The following CHL1 variants were observed in gnomAD, a reference collection of about 807,000 sequenced individuals.
The protein encoded by CHL1 is cell adhesion molecule L1 like.
CHL1 carries 96 observed loss-of-function variants against 141.9 expected under a neutral mutation model. The ratio of observed to expected loss-of-function variants is 0.68; its 90% CI spans 0.57 to 0.80. CHL1 has a LOEUF of 0.80. Among genes scored for constraint, CHL1 ranks in the 30% least tolerant of loss-of-function variants. The probability of loss-of-function intolerance (pLI) is 0.00; values close to 1 mark genes in which losing one functional copy is unlikely to be tolerated. For synonymous variants in CHL1, 613 were observed against 502.2 expected (o/e 1.22, Z -2.95); for missense variants, 1,820 against 1,457.2 (o/e 1.25, Z -4.05).
chr3:214,956 GCACA>G (rs5845952), intron 1 of CHL1, among the ~76,000 whole-genome samples: 13,495 of 150,202 alleles, frequency 0.09, 1,085 homozygotes, highest in African/African-American at 0.22. Flanking sequence ...ATGTGCACGT[GCACA>G]CACACACACA....
chr3:398,962 G>C, intron 25 of CHL1, 55 bp from the exon 26 acceptor site: 1 of 1,553,660 alleles, frequency 6.4e-7, no homozygotes. Flanking sequence ...CAATGTTACA[G>C]AATACAAAAG....
chr3:287,623 A>G (rs370251229), intron 2 of CHL1, among the ~76,000 whole-genome samples: 3 of 152,234 alleles, frequency 2.0e-5, no homozygotes, highest in South Asian at 4.1e-4. Flanking sequence ...TTTACAATAC[A>G]TAGAACTAAC....
chr3:369,700 CT>C (rs1705380624), intron 15 of CHL1, among the ~76,000 whole-genome samples: 1 of 152,178 alleles, frequency 6.6e-6, no homozygotes, highest in East Asian at 1.9e-4. Context: ...ATGCTTCCAG[CT>C]TTTGCCAATT....
intron 1 of CHL1, among the ~76,000 whole-genome samples, chr3:233,650 A>C (rs1393437520): frequency 6.6e-6 from 1 of 152,150 alleles, no homozygotes; most frequent in Non-Finnish European, 1.5e-5. Flanking sequence ...AGTATTTTTC[A>C]TAAGAGCAAA....
At chr3:238,354 T>TA (rs536672929) in intron 1 of CHL1, among the ~76,000 whole-genome samples, 2 of 151,838 alleles carry the variant, frequency 1.3e-5, no homozygotes, top group South Asian at 2.1e-4. Flanking sequence ...TCTAGCAATT[T>TA]AAAAAATCAC....
At chr3:226,451 A>T (rs9849813) in intron 1 of CHL1, among the ~76,000 whole-genome samples, 46,704 of 146,504 alleles carry the variant, frequency 0.32, 7,664 homozygotes, top group South Asian at 0.49. Flanking sequence ...TATTATTATT[A>T]TTTTTTCTGA....
intron 2 of CHL1, among the ~76,000 whole-genome samples, chr3:294,908 A>G (rs998186246): frequency 4.6e-5 from 7 of 152,208 alleles, no homozygotes; most frequent in Non-Finnish European, 8.8e-5. Context: ...TATTTATTGA[A>G]TGTTTACTAT....
At chr3:367,720 G>A (rs1223868087) in intron 15 of CHL1, among the ~76,000 whole-genome samples, 1 of 151,940 alleles carries the variant, frequency 6.6e-6, no homozygotes, top group African/African-American at 2.4e-5. Flanking sequence ...ATGCAGATTT[G>A]TTACATAGGT....
chr3:307,197 G>C (rs1278986078), intron 2 of CHL1, among the ~76,000 whole-genome samples: 3 of 152,124 alleles, frequency 2.0e-5, no homozygotes, highest in African/African-American at 4.8e-5. Flanking sequence ...TTATAACCTA[G>C]CTACCAGATG....
intron 9 of CHL1, 135 bp from the exon 10 acceptor site, chr3:349,224 G>T: frequency 1.4e-6 from 1 of 706,320 alleles, no homozygotes; most frequent in South Asian, 1.9e-5. Context: ...CTGTCCACTG[G>T]TAAGGATGAC....
intron 2 of CHL1, among the ~76,000 whole-genome samples, chr3:260,338 A>G (rs149086619): frequency 2.0e-3 from 312 of 152,308 alleles, no homozygotes; most frequent in African/African-American, 7.2e-3. Flanking sequence ...GGAAAACATA[A>G]GTCTGTATCA....
intron 2 of CHL1, among the ~76,000 whole-genome samples, chr3:317,167 A>T (rs191148747): frequency 3.7e-4 from 57 of 152,200 alleles, no homozygotes; most frequent in African/African-American, 1.3e-3. Context: ...GGTCATATGT[A>T]GAATTAGTCA....
intron 2 of CHL1, among the ~76,000 whole-genome samples, chr3:253,716 T>C (rs1051756577): frequency 6.6e-6 from 1 of 152,206 alleles, no homozygotes; most frequent in Non-Finnish European, 1.5e-5. Flanking sequence ...GTAAGCTCTA[T>C]TTGAACAAAA....
At chr3:219,016 G>A (rs541451103) in intron 1 of CHL1, among the ~76,000 whole-genome samples, 4 of 152,194 alleles carry the variant, frequency 2.6e-5, no homozygotes, top group African/African-American at 9.6e-5. Context: ...GGGCATGGTG[G>A]CGGGCACCTG....
intron 1 of CHL1, among the ~76,000 whole-genome samples, chr3:228,965 A>T (rs368253996): frequency 2.0e-3 from 310 of 152,238 alleles, no homozygotes; most frequent in African/African-American, 7.1e-3. Context: ...TTCTCATGGG[A>T]TCTCATTAAG....
intron 2 of CHL1, among the ~76,000 whole-genome samples, chr3:292,958 T>G (rs1280984804): frequency 1.3e-5 from 2 of 152,200 alleles, no homozygotes; most frequent in Non-Finnish European, 2.9e-5. Flanking sequence ...GAGACAGATA[T>G]CCAAGCTGTA....
intron 7 of CHL1, 97 bp from the exon 8 acceptor site, chr3:342,887 G>T: frequency 3.3e-6 from 3 of 911,812 alleles, no homozygotes; most frequent in Non-Finnish European, 5.0e-6. Context: ...ACATCATTTT[G>T]TAATTTTTCT....
chr3:212,213 C>A (rs1365205306), intron 1 of CHL1, among the ~76,000 whole-genome samples: 3 of 151,956 alleles, frequency 2.0e-5, no homozygotes, highest in African/African-American at 7.2e-5. Context: ...TTAAAAAAAA[C>A]TTGTTGGGGG....
At chr3:357,874 G>C (rs181386843) in intron 11 of CHL1, among the ~76,000 whole-genome samples, 2 of 152,310 alleles carry the variant, frequency 1.3e-5, no homozygotes, top group African/African-American at 4.8e-5. Flanking sequence ...CTAAATGGGA[G>C]GATGGCGTTA....
Sources: allele counts gnomAD v4.1 joint callset (sites outside exome capture counted in the v4.1 genomes callset), GRCh38; gene constraint gnomAD v4.1.1; transcripts MANE v1.5; gene names NCBI Gene and HGNC (gene_info 2026-07-23, HGNC 2026-07-21).